Variants in MGAM2 observed in about 807,000 individuals in gnomAD.
MGAM2 encodes probable maltase-glucoamylase 2.
In MGAM2, 98 loss-of-function variants were observed where a neutral mutation model predicts 96.1. That is an observed-to-expected ratio of 1.02 (90% confidence interval 0.87 to 1.21). MGAM2 has a LOEUF of 1.21. MGAM2 is among the 50% of genes most tolerant of loss of function. The pLI is 0.00. For synonymous variants in MGAM2, 749 were observed against 414.8 expected, an observed-to-expected ratio of 1.81 and a Z score of -9.79; for missense variants, 2,055 against 1,182.4, an observed-to-expected ratio of 1.74 and a Z score of -10.82.
intron 3 of MGAM2, among the ~76,000 whole-genome samples, chr7:142,123,113 C>T (rs953771243): frequency 5.3e-5 from 8 of 152,070 alleles, no homozygotes; most frequent in South Asian, 2.1e-4. Context: ...TGAGCCACCG[C>T]GCCCGACCTC....
intron 20 of MGAM2, 69 bp from the exon 21 acceptor site, chr7:142,160,065 A>C (rs896498429): frequency 1.3e-5 from 8 of 635,526 alleles, no homozygotes; most frequent in Admixed American, 2.6e-5. Context: ...GAATGAGATG[A>C]TACCTAAGGC....
At chr7:142,111,998 CTGTGTGTGTGTGTGTGTGTG>C (rs57967255) in intron 1 of MGAM2, among the ~76,000 whole-genome samples, 191 bp downstream of exon 1, 17 of 133,690 alleles carry the variant, frequency 1.3e-4, no homozygotes, top group East Asian at 4.6e-4. Flanking sequence ...AGAGGAGAGA[CTGTGTGTGTGTGTGTGTGTG>C]TGTGTGTGTG....
At chr7:142,158,851 A>T (rs1321610964) in intron 19 of MGAM2, among the ~76,000 whole-genome samples, 1 of 152,162 alleles carries the variant, frequency 6.6e-6, no homozygotes, top group African/African-American at 2.4e-5. Flanking sequence ...ATCAGGAAGG[A>T]TTATGCTGAT....
intron 14 of MGAM2, among the ~76,000 whole-genome samples, chr7:142,146,145 T>G (rs1795376298): frequency 1.5e-5 from 1 of 64,936 alleles, no homozygotes; most frequent in African/African-American, 5.4e-5. Flanking sequence ...TTATCATGTT[T>G]TTTTTTTTTT....
At chr7:142,216,638 T>G (rs1378353853) in intron 46 of MGAM2, among the ~76,000 whole-genome samples, 1 of 152,206 alleles carries the variant, frequency 6.6e-6, no homozygotes, top group East Asian at 1.9e-4. Flanking sequence ...AAGCATCAGC[T>G]GGCTTGCAAA....
At chr7:142,112,445 T>C (rs1402782537) in intron 1 of MGAM2, among the ~76,000 whole-genome samples, 1 of 152,144 alleles carries the variant, frequency 6.6e-6, no homozygotes, top group Non-Finnish European at 1.5e-5. Flanking sequence ...AGAGAAATAA[T>C]ACTTGCAGAA....
intron 24 of MGAM2, among the ~76,000 whole-genome samples, 191 bp downstream of exon 24, chr7:142,165,214 G>A (rs1240644539): frequency 6.6e-6 from 1 of 152,170 alleles, no homozygotes; most frequent in African/African-American, 2.4e-5. Context: ...TTGTATCAGG[G>A]CTCTGAAGAA....
chr7:142,111,961 G>A lies in MGAM2; in HGVS notation c.-1+154G>A, dbSNP rs530674191. On this transcript the variant is annotated intron_variant, in intron 1 of 47. Transcript: ENST00000477922. ...ATTTTCTTCCTTTTCCATAAAATAT[G>A]AGGAGTGAGGATGAGATAGTTGATG... Among the ~76,000 whole-genome samples, 8 of 151,334 alleles carry A rather than the reference G, an allele frequency of 5.3e-5. No homozygotes were observed. In the South Asian group the frequency reaches 1.7e-3, roughly 32 times the overall value.
chr7:142,176,735 A>G (rs1250991981), intron 32 of MGAM2, among the ~76,000 whole-genome samples: 1 of 152,194 alleles, frequency 6.6e-6, no homozygotes, highest in Non-Finnish European at 1.5e-5. Flanking sequence ...GAACATTGCT[A>G]TTATACTCTG....
At chr7:142,170,009 TG>T (rs1796142115) in intron 26 of MGAM2, 65 bp from the exon 27 acceptor site, 2 of 638,424 alleles carry the variant, frequency 3.1e-6, no homozygotes, top group Admixed American at 5.2e-5. Flanking sequence ...CTGAATTATA[TG>T]GGGTGGCATG....
intron 32 of MGAM2, among the ~76,000 whole-genome samples, chr7:142,179,856 A>G (rs1343455090): frequency 6.6e-6 from 1 of 152,112 alleles, no homozygotes; most frequent in East Asian, 1.9e-4. Flanking sequence ...TATTGATATC[A>G]GGATGATGTT....
At chr7:142,156,401 G>A (rs1237446067) in intron 17 of MGAM2, among the ~76,000 whole-genome samples, 1 of 152,124 alleles carries the variant, frequency 6.6e-6, no homozygotes, top group Middle Eastern at 3.2e-3. Context: ...TTTTTTGTAT[G>A]CAGTTGAAGT....
At chr7:142,166,950 C>G (rs1226701127) in intron 25 of MGAM2, among the ~76,000 whole-genome samples, 1 of 152,166 alleles carries the variant, frequency 6.6e-6, no homozygotes, top group African/African-American at 2.4e-5. Context: ...TCATCCCACT[C>G]TCTGTCTTCA....
At chr7:142,176,108 A>AAAAAAT (rs1554509686) in intron 32 of MGAM2, among the ~76,000 whole-genome samples, 1 of 114,852 alleles carries the variant, frequency 8.7e-6, no homozygotes. Flanking sequence ...AAAAAAAAAA[A>AAAAAAT]GGGGGGGGCA....
intron 8 of MGAM2, 101 bp from the exon 9 acceptor site, chr7:142,137,332 A>G (rs896341554): frequency 4.0e-6 from 2 of 500,846 alleles, no homozygotes; most frequent in Admixed American, 7.4e-5. Context: ...CCCTTTCAAA[A>G]TGAGACTGAG....
In MGAM2 at chr7:142,124,292, A is replaced by G. The variant is rs139991361; in HGVS notation, c.186+3911A>G. Among the ~76,000 whole-genome samples the G allele has an allele frequency of 1.4e-3, 216 of 151,794 alleles. 1 individual carries two copies. The highest frequency in any genetic ancestry group is 4.9e-3 in the African/African-American group (203 of 41,404). ...TGGCCCAGAAACGTTTTTTTTCTTG[A>G]ATTTTTAATCGATCCATCACCACTT... is the stretch of plus-strand genomic sequence containing the variant. On this transcript the variant is annotated intron_variant, in intron 3 of 47. Transcript: ENST00000477922.
At chr7:142,150,738 G>A (rs906342844) in intron 15 of MGAM2, among the ~76,000 whole-genome samples, 1 of 152,130 alleles carries the variant, frequency 6.6e-6, no homozygotes, top group Non-Finnish European at 1.5e-5. Context: ...TCTCTCCCCA[G>A]TGTAAAATTA....
chr7:142,215,776 A>T (rs1006554388), intron 46 of MGAM2, among the ~76,000 whole-genome samples: 1 of 151,072 alleles, frequency 6.6e-6, no homozygotes, highest in East Asian at 1.9e-4. Flanking sequence ...AAAAAAAAAA[A>T]ACCTCATGAA....
At chr7:142,114,163 A>AAAG (rs1817287716) in intron 1 of MGAM2, among the ~76,000 whole-genome samples, 1 of 103,516 alleles carries the variant, frequency 9.7e-6, no homozygotes, top group South Asian at 3.6e-4. Flanking sequence ...GGAAAGAAAG[A>AAAG]AAGAAAGAAA....
Sources: gnomAD v4.1 joint callset for allele counts (sites outside exome capture counted in the v4.1 genomes callset) on GRCh38, gnomAD v4.1.1 for gene constraint, MANE v1.5 for transcripts, NCBI Gene and HGNC (gene_info 2026-07-23, HGNC 2026-07-21) for gene names.